The following BCAM variants were observed in gnomAD, a reference collection of about 807,000 sequenced individuals.
The protein encoded by BCAM is basal cell adhesion molecule.
In BCAM, 61 loss-of-function variants were observed where a neutral mutation model predicts 72.4. That is an observed-to-expected ratio of 0.84 (90% confidence interval 0.69 to 1.04). The LOEUF (loss-of-function observed/expected upper bound fraction) is 1.04. Among genes scored for constraint, BCAM ranks in the 50% least tolerant of loss-of-function variants. The pLI, the probability that BCAM is intolerant of heterozygous loss-of-function variation, is 0.00. For synonymous variants in BCAM, 408 were observed against 384.2 expected, an observed-to-expected ratio of 1.06 and a Z score of -0.73; for missense variants, 909 against 895.0, an observed-to-expected ratio of 1.02 and a Z score of -0.20.
At position 44,818,051 on chromosome 19, in the gene BCAM, G is replaced by A. The variant is rs1968525449; in HGVS notation, c.1079-471G>A. Among the ~76,000 whole-genome samples, 1 of 152,196 alleles carries A rather than the reference G, an allele frequency of 6.6e-6. No homozygotes were observed. Among genetic ancestry groups the A allele is most frequent in the Non-Finnish European group, 1.5e-5 (1 of 68,032 alleles). ...TCACGCCTGTGATCCTAGCACTTTT[G>A]GGAGGTCAAGACAGGAGGATCACTT... On this transcript the variant is annotated intron_variant, in intron 8 of 14. Transcript: ENST00000270233. This position sits in a 1 kb window ranked among gnomAD's most constrained non-coding sequence, Gnocchi z 4.6.
In BCAM at chr19:44,812,320, G is replaced by A. The variant is rs939228215; in HGVS notation, c.362G>A (p.Arg121Gln). 3.7e-6 allele frequency: 6 copies of A among 1,612,508 alleles called. No homozygotes were observed. The highest frequency in any genetic ancestry group is 1.7e-5 in the Admixed American group (1 of 59,882). ...GCTGAGGCCCAGGTGGGCGACGAGC[G>A]AGACTACGTGTGCGTGGTGAGGGCA... The part of the protein sequence containing the change: ...VLAEAQVGDE[R>Q]DYVCVVRAGA... Residue 121 changes from arginine (R) to glutamine (Q), a missense_variant, in exon 3 of 15, where the codon CGA becomes CAA. Arg to Gln is a conservative substitution (Grantham distance 43). Transcript: ENST00000270233. This position sits in a 1 kb window ranked among gnomAD's most constrained non-coding sequence, Gnocchi z 5.3.
Position 44,820,697 on chromosome 19 carries a change from C to A in BCAM, c.1764-8C>A. 4 of 1,401,786 alleles carry A rather than the reference C, an allele frequency of 2.9e-6. No individual in the cohort carries two copies. In the East Asian group the frequency reaches 8.2e-5, roughly 29 times the overall value. 86.8% of individuals were successfully genotyped at this position (1,401,786 alleles called of 1,614,324 possible). On this transcript the variant is annotated splice_region_variant and splice_polypyrimidine_tract_variant and intron_variant, in intron 13 of 14. Transcript: ENST00000270233. The stretch of plus-strand genomic sequence containing the variant: ...ACGACGCCTCCGCCCGCTGCCTCCT[C>A]CCCCCAGGCCGCCAGGGGAGCCAGG...
chr19:44,812,664 G>GT lies in BCAM; in HGVS notation c.504+117dup. 3.2e-6 allele frequency: 4 copies of GT among 1,248,924 alleles called. No homozygotes were observed. The highest frequency in any genetic ancestry group is 4.4e-6 in the Non-Finnish European group (4 of 899,584). The allele number at this position is 1,248,924 out of a possible 1,614,324, so 77.4% of individuals were successfully genotyped here. The stretch of plus-strand genomic sequence containing the variant: ...ACCCCTGGGTAATAAAGGAGGAGGG[G>GT]TAAGGCCAGGCGAGGTGGCTCATGC... On this transcript the variant is annotated intron_variant, in intron 4 of 14. Transcript: ENST00000270233. The surrounding 1 kb of genome is among the most constrained non-coding windows in gnomAD (Gnocchi z 5.3).
At chr19:44,817,641 T>C (rs1296223003) in intron 8 of BCAM, among the ~76,000 whole-genome samples, 1 of 151,224 alleles carries the variant, frequency 6.6e-6, no homozygotes, top group African/African-American at 2.4e-5. Flanking sequence ...ACCTCCCAGG[T>C]TCAAGCGATT....
intron 1 of BCAM, 124 bp from the exon 2 acceptor site, chr19:44,811,101 G>A: frequency 7.0e-7 from 1 of 1,433,112 alleles, no homozygotes; most frequent in South Asian, 1.2e-5. Flanking sequence ...CTGGCACCTG[G>A]ACTCCTGGGT....
In BCAM at chr19:44,820,678, C is replaced by T. The variant is rs549819370; in HGVS notation, c.1764-27C>T. ...TGCCGTGTGCACCTCCAACACGACG[C>T]CTCCGCCCGCTGCCTCCTCCCCCCA... On this transcript the variant is annotated intron_variant, in intron 13 of 14. Coordinates refer to ENST00000270233, the MANE Select transcript of BCAM (RefSeq NM_005581.5). The T allele has an allele frequency of 5.2e-5, 73 of 1,397,640 alleles. 1 individual carries two copies. In the South Asian group the frequency reaches 1.1e-3, roughly 21 times the overall value. 86.6% of individuals were successfully genotyped at this position (1,397,640 alleles called of 1,614,324 possible).
rs760977151 is a variant in BCAM at position 44,818,750 on chromosome 19, C to G, written c.1204C>G (p.Pro402Ala). 6.2e-7 allele frequency: 1 copy of G among 1,614,080 alleles called. No individual in the cohort carries two copies. The part of the protein sequence containing the change: ...PALRWTKDST[P>A]LGDGPMLSLS... ...CCTCTGCCCTTCCCAGGACTCCACT[C>G]CCCTGGGCGATGGCCCCATGCTGTC... is the stretch of plus-strand genomic sequence containing the variant. The change falls in exon 10 of 15, where the codon CCC (proline) becomes GCC (alanine). Residue 402 changes from proline (P) to alanine (A), a missense_variant. Coordinates refer to ENST00000270233, the MANE Select transcript of BCAM (RefSeq NM_005581.5). This position sits in a 1 kb window ranked among gnomAD's most constrained non-coding sequence, Gnocchi z 4.6.
rs772125274 is a variant in BCAM, at chr19:44,811,316, C to G, written c.174C>G (p.Thr58=). The G allele has an allele frequency of 1.2e-6, 2 of 1,613,058 alleles. No individual in the cohort carries two copies. The highest frequency in any genetic ancestry group is 2.7e-5 in the African/African-American group (2 of 74,792). ...SVILDCTPTG[T]HDHYMLEWFL... is the part of the protein sequence containing the mutation. ...TTCTGGACTGCACCCCTACGGGAAC[C>G]CACGACCATTATATGCTGGAATGGT... Residue 58 remains threonine, a synonymous_variant, in exon 2 of 15, where the codon ACC becomes ACG. Transcript: ENST00000270233.
chr19:44,819,440 A>G lies in BCAM; in HGVS notation c.1568A>G (p.Glu523Gly). The G allele has an allele frequency of 6.2e-7, 1 of 1,614,018 alleles. No individual in the cohort carries two copies. The highest frequency in any genetic ancestry group is 1.7e-5 in the Admixed American group (1 of 60,014). Residue 523 changes from glutamate (E) to glycine (G), a missense_variant, in exon 12 of 15, where the codon GAA becomes GGA. Transcript: ENST00000270233. ...CTGAGCCGCGATGGCATCTCCTGTGAAGCCTCCAACCCCCACGGGAACAAG... is the reference window on the plus strand; with the variant it reads ...CTGAGCCGCGATGGCATCTCCTGTGGAGCCTCCAACCCCCACGGGAACAAG... The part of the protein sequence containing the change: ...SALSRDGISC[E>G]ASNPHGNKRH...
Position 44,819,133 on chromosome 19 carries a change from A to T in BCAM, c.1414A>T (p.Ile472Phe). The T allele has an allele frequency of 6.2e-7, 1 of 1,614,058 alleles. No individual in the cohort carries two copies. Among genetic ancestry groups the T allele is most frequent in the Non-Finnish European group, 8.5e-7 (1 of 1,179,974 alleles). ...GAGGGAAGGAGACGAAGTCACACTC[A>T]TCTGCTCTGCCCGCGGCCATCCAGA... Reference protein sequence around the residue: ...SWREGDEVTLICSARGHPDPK... With the variant: ...SWREGDEVTLFCSARGHPDPK... Residue 472 changes from isoleucine (I) to phenylalanine (F), a missense_variant, in exon 11 of 15, where the codon ATC (isoleucine) becomes TTC (phenylalanine). Physicochemically the swap from Ile to Phe is conservative, Grantham distance 21. Transcript: ENST00000270233.
chr19:44,820,731 A>C lies in BCAM; in HGVS notation c.1790A>C (p.His597Pro). Residue 597 changes from histidine (H) to proline (P), a missense_variant, in exon 14 of 15, where the codon CAC becomes CCC. His to Pro is a moderately conservative substitution (Grantham distance 77). Transcript: ENST00000270233. ...APPPGEPGLS[H>P]SGSEQPEQTG... ...CCGCCAGGGGAGCCAGGGCTGAGCC[A>C]CTCGGGGTCGGAGCAACCAGAGCAG... The C allele has an allele frequency of 6.9e-7, 1 of 1,441,696 alleles. No homozygotes were observed. Among genetic ancestry groups the C allele is most frequent in the East Asian group, 2.7e-5 (1 of 37,674 alleles). 89.3% of individuals were successfully genotyped at this position (1,441,696 alleles called of 1,614,324 possible).
At chr19:44,819,770 A>AT (rs775916418) in intron 13 of BCAM, 44 bp downstream of exon 13, 1 of 1,470,944 alleles carries the variant, frequency 6.8e-7, no homozygotes, top group African/African-American at 1.4e-5. Context: ...GCTTAACCCC[A>AT]TCCCCACCCT....
rs755899513 is a variant in BCAM, at chr19:44,814,751, C to T, written c.1069C>T (p.Arg357Cys). 5.6e-6 allele frequency: 9 copies of T among 1,610,944 alleles called. No individual in the cohort carries two copies. Among genetic ancestry groups the T allele is most frequent in the African/African-American group, 1.3e-5 (1 of 74,986 alleles). ...DVQLSKTLEL[R>C]VAYLDPLELS... ...GCAGCTCTCCAAGACGCTGGAGCTG[C>T]GCGTGGCCTGTGAGAGCCCTGGGTG... Residue 357 changes from arginine to cysteine, a missense_variant, in exon 8 of 15, where the codon CGC becomes TGC. Physicochemically the swap from Arg to Cys is radical, Grantham distance 180. Coordinates refer to ENST00000270233, the MANE Select transcript of BCAM (RefSeq NM_005581.5). This position sits in a 1 kb window ranked among gnomAD's most constrained non-coding sequence, Gnocchi z 4.6.
rs997889185 is a variant in BCAM at position 44,812,842 on chromosome 19, C to T, written c.504+294C>T. 2.5e-5 allele frequency: 11 copies of T among 439,256 alleles called. No individual in the cohort carries two copies. The highest frequency in any genetic ancestry group is 4.1e-5 in the Non-Finnish European group (10 of 244,658). 27.2% of individuals were successfully genotyped at this position (439,256 alleles called of 1,614,324 possible). On this transcript the variant is annotated intron_variant, in intron 4 of 14. Transcript: ENST00000270233. The surrounding 1 kb of genome is among the most constrained non-coding windows in gnomAD (Gnocchi z 5.3). ...GTGTGCAACTGTAATCCCAGCTGCTCGGGAGGCTGAGACAGGAGAATCACT... is the reference window on the plus strand; with the variant it reads ...GTGTGCAACTGTAATCCCAGCTGCTTGGGAGGCTGAGACAGGAGAATCACT...
chr19:44,812,446 A>AG lies in BCAM; in HGVS notation c.434-28dup, dbSNP rs1276097085. On this transcript the variant is annotated intron_variant, in intron 3 of 14. Transcript: ENST00000270233. This position sits in a 1 kb window ranked among gnomAD's most constrained non-coding sequence, Gnocchi z 5.3. Reference sequence around the variant, plus strand: ...AGGCAGGCAGGGAGGGGCGCAGGGCAGGGGCTCCTGACGTGAACGTCTTTT... The same window carrying AG: ...AGGCAGGCAGGGAGGGGCGCAGGGCAGGGGGCTCCTGACGTGAACGTCTTTT... 1 of 1,614,194 alleles carries AG rather than the reference A, an allele frequency of 6.2e-7. No homozygotes were observed. The highest frequency in any genetic ancestry group is 1.7e-5 in the Admixed American group (1 of 60,024).
rs769406228 is a variant in BCAM, at chr19:44,819,166, C to T, written c.1447C>T (p.Leu483Phe). 1 of 1,614,100 alleles carries T rather than the reference C, an allele frequency of 6.2e-7. No homozygotes were observed. The highest frequency in any genetic ancestry group is 1.1e-5 in the South Asian group (1 of 91,080). ...CSARGHPDPK[L>F]SWSQLGGSPA... Reference sequence around the variant, plus strand: ...TGCCCGCGGCCATCCAGACCCCAAACTCAGCTGGAGCCAATTGGGGGGCAG... The same window carrying T: ...TGCCCGCGGCCATCCAGACCCCAAATTCAGCTGGAGCCAATTGGGGGGCAG... Residue 483 changes from leucine to phenylalanine, a missense_variant, in exon 11 of 15, where the codon CTC becomes TTC. Transcript: ENST00000270233.
At chr19:44,809,067 C>G, upstream of BCAM, 1 of 1,266,070 alleles carries the variant, frequency 7.9e-7, no homozygotes, top group African/African-American at 1.6e-5. Flanking sequence ...GCCTCTGGCT[C>G]CCAGCCCCGC....
Position 44,819,157 on chromosome 19 carries a change from G to A in BCAM, c.1438G>A (p.Asp480Asn). The A allele has an allele frequency of 6.2e-7, 1 of 1,614,082 alleles. No homozygotes were observed. Among genetic ancestry groups the A allele is most frequent in the Non-Finnish European group, 8.5e-7 (1 of 1,179,972 alleles). Residue 480 changes from aspartate to asparagine, a missense_variant, in exon 11 of 15, where the codon GAC becomes AAC. Physicochemically the swap from Asp to Asn is conservative, Grantham distance 23. Transcript: ENST00000270233. ...TLICSARGHP[D>N]PKLSWSQLGG... Reference sequence around the variant, plus strand: ...CATCTGCTCTGCCCGCGGCCATCCAGACCCCAAACTCAGCTGGAGCCAATT... The same window carrying A: ...CATCTGCTCTGCCCGCGGCCATCCAAACCCCAAACTCAGCTGGAGCCAATT...
At chr19:44,815,325 T>A (rs1428431431) in intron 8 of BCAM, among the ~76,000 whole-genome samples, 1 of 152,166 alleles carries the variant, frequency 6.6e-6, no homozygotes, top group Non-Finnish European at 1.5e-5. Flanking sequence ...TTCATTCGCA[T>A]CCAGGCCCTG....
Sources: gnomAD v4.1 joint callset for allele counts (sites outside exome capture counted in the v4.1 genomes callset) on GRCh38, gnomAD v4.1.1 for gene constraint, Gnocchi (gnomAD v3.1) non-coding constraint, MANE v1.5 for transcripts, NCBI Gene and HGNC (gene_info 2026-07-23, HGNC 2026-07-21) for gene names.